The following PTPRN2 variants were observed in gnomAD, a reference collection of about 807,000 sequenced individuals.
PTPRN2 encodes receptor-type tyrosine-protein phosphatase N2.
A neutral mutation model predicts 118.8 loss-of-function variants in PTPRN2; 74 were observed. The ratio of observed to expected loss-of-function variants is 0.62; its 90% CI spans 0.52 to 0.76. PTPRN2 has a LOEUF of 0.76. PTPRN2 is among the 30% of genes least tolerant of loss of function. The pLI is 0.00. For synonymous variants in PTPRN2, 641 were observed against 608.0 expected, an observed-to-expected ratio of 1.05 and a Z score of -0.80; for missense variants, 1,481 against 1,394.4, an observed-to-expected ratio of 1.06 and a Z score of -0.99.
At chr7:158,527,625 A>G (rs1197800007) in intron 1 of PTPRN2, among the ~76,000 whole-genome samples, 1 of 152,112 alleles carries the variant, frequency 6.6e-6, no homozygotes, top group Non-Finnish European at 1.5e-5. Flanking sequence ...CTGGCGGCCC[A>G]CTGCTCAGCC....
At chr7:158,539,611 C>T (rs574047886) in intron 1 of PTPRN2, 10 of 202,396 alleles carry the variant, frequency 4.9e-5, no homozygotes, top group Admixed American at 2.9e-4. Flanking sequence ...GTGGCCCTTC[C>T]GAGAGGGAAA....
chr7:158,097,341 G>A (rs1483672655), intron 10 of PTPRN2, among the ~76,000 whole-genome samples: 1 of 152,144 alleles, frequency 6.6e-6, no homozygotes, highest in East Asian at 1.9e-4. Context: ...CCAACAAGAA[G>A]CATCAGGGTT....
intron 11 of PTPRN2, among the ~76,000 whole-genome samples, chr7:157,935,756 CT>C (rs1799657579): frequency 6.6e-6 from 1 of 152,202 alleles, no homozygotes; most frequent in African/African-American, 2.4e-5. Context: ...TTGGAGCTCC[CT>C]GGGAGGCATC....
chr7:158,166,518 C>T (rs13310190), intron 6 of PTPRN2, among the ~76,000 whole-genome samples: 3,046 of 37,364 alleles, frequency 0.082, 5 homozygotes, highest in East Asian at 0.18. Flanking sequence ...CTCCTCCCCC[C>T]GGCCGCCGCG....
intron 2 of PTPRN2, among the ~76,000 whole-genome samples, chr7:158,451,697 G>A (rs140593719): frequency 1.3e-5 from 2 of 152,260 alleles, no homozygotes; most frequent in East Asian, 1.9e-4. Context: ...CTATGATAAT[G>A]TTTCACAGAA....
intron 3 of PTPRN2, among the ~76,000 whole-genome samples, chr7:158,236,077 G>A (rs937072697): frequency 6.6e-6 from 1 of 152,158 alleles, no homozygotes. Context: ...ACAGTGCAGA[G>A]CCCACAGCGT....
chr7:158,530,079 G>T (rs750179215), intron 1 of PTPRN2, among the ~76,000 whole-genome samples: 1 of 152,176 alleles, frequency 6.6e-6, no homozygotes, highest in African/African-American at 2.4e-5. Flanking sequence ...GAATGCAAAA[G>T]AAGTGAGATC....
intron 9 of PTPRN2, among the ~76,000 whole-genome samples, chr7:158,113,035 C>T (rs773474835): frequency 4.6e-5 from 7 of 151,196 alleles, no homozygotes; most frequent in South Asian, 4.2e-4. Flanking sequence ...GCATTTAGGG[C>T]CCCCCAGCAT....
intron 4 of PTPRN2, among the ~76,000 whole-genome samples, chr7:158,202,109 T>C (rs116046269): frequency 0.011 from 1,647 of 152,222 alleles, 32 homozygotes; most frequent in African/African-American, 0.036. Context: ...CACACAACAG[T>C]GTAAGCATAT....
chr7:157,549,296 TG>T (rs1227044028), intron 21 of PTPRN2, among the ~76,000 whole-genome samples: 12 of 150,730 alleles, frequency 8.0e-5, no homozygotes, highest in Non-Finnish European at 1.8e-4. Flanking sequence ...AAACCAAAGC[TG>T]TACTGGTTTT....
chr7:157,578,921 G>A (rs1029601803), intron 17 of PTPRN2, among the ~76,000 whole-genome samples: 2 of 152,242 alleles, frequency 1.3e-5, no homozygotes, highest in Non-Finnish European at 2.9e-5. Context: ...AAATTATAGA[G>A]TGAAGAGGGG....
intron 2 of PTPRN2, among the ~76,000 whole-genome samples, chr7:158,406,139 TGGCCGCACAC>T (rs1813409591): frequency 8.9e-6 from 1 of 112,442 alleles, no homozygotes; most frequent in African/African-American, 3.6e-5. Context: ...GTGAGACACG[TGGCCGCACAC>T]TGAGATCCCG....
At chr7:158,040,769 A>G (rs1263927816) in intron 11 of PTPRN2, among the ~76,000 whole-genome samples, 1 of 132,902 alleles carries the variant, frequency 7.5e-6, no homozygotes, top group Non-Finnish European at 1.6e-5. Context: ...ATCTCACTCT[A>G]TTGCTCGGGC....
intron 3 of PTPRN2, among the ~76,000 whole-genome samples, chr7:158,262,378 T>A (rs1181523730): frequency 1.6e-5 from 2 of 124,290 alleles, no homozygotes; most frequent in African/African-American, 6.5e-5. Context: ...TGCACACACA[T>A]ACACACATTC....
chr7:157,581,531 C>T (rs934919897), intron 17 of PTPRN2, among the ~76,000 whole-genome samples: 2 of 152,194 alleles, frequency 1.3e-5, no homozygotes, highest in African/African-American at 2.4e-5. Flanking sequence ...GCCATCTCGA[C>T]GCGCCCGGCA....
intron 2 of PTPRN2, among the ~76,000 whole-genome samples, chr7:158,469,900 G>A (rs745628826): frequency 1.1e-4 from 16 of 150,698 alleles, no homozygotes; most frequent in Non-Finnish European, 1.6e-4. Flanking sequence ...TGGGAGCTGG[G>A]ATTTGTCCTA....
intron 3 of PTPRN2, among the ~76,000 whole-genome samples, chr7:158,300,931 T>C (rs1800845690): frequency 6.6e-6 from 1 of 152,142 alleles, no homozygotes; most frequent in Non-Finnish European, 1.5e-5. Flanking sequence ...GAAATACATA[T>C]GCATGTTTGA....
chr7:157,811,007 C>T (rs549877291), intron 12 of PTPRN2, among the ~76,000 whole-genome samples: 1 of 152,180 alleles, frequency 6.6e-6, no homozygotes, highest in African/African-American at 2.4e-5. Flanking sequence ...CGCTGTGGCT[C>T]ATGCCTGTAA....
At chr7:158,436,518 A>C (rs1816583584) in intron 2 of PTPRN2, among the ~76,000 whole-genome samples, 3 of 62,670 alleles carry the variant, frequency 4.8e-5, no homozygotes, top group African/African-American at 2.2e-4. Flanking sequence ...CTGTTGATGG[A>C]GTCTCTCGAG....
Sources: allele counts gnomAD v4.1 joint callset (sites outside exome capture counted in the v4.1 genomes callset), GRCh38; gene constraint gnomAD v4.1.1; transcripts MANE v1.5; gene names NCBI Gene and HGNC (gene_info 2026-07-23, HGNC 2026-07-21).